Variants in MAPRE3 observed in about 807,000 individuals in gnomAD.
The protein encoded by MAPRE3 is microtubule associated protein RP/EB family member 3, also known as microtubule-associated protein RP/EB family member 3.
A neutral mutation model predicts 30.5 loss-of-function variants in MAPRE3; 2 were observed. The ratio of observed to expected loss-of-function variants is 0.07; its 90% confidence interval spans 0.03 to 0.21. MAPRE3 has a LOEUF of 0.21. MAPRE3 is among the 10% of genes least tolerant of loss of function. The pLI, the probability that MAPRE3 is intolerant of heterozygous loss-of-function variation, is 1.00. For missense variants in MAPRE3, 204 were observed against 351.8 expected (o/e 0.58, Z 3.36); for synonymous variants, 110 against 127.7 (o/e 0.86, Z 0.93).
At chr2:26,988,040 C>T (rs1666256993) in intron 1 of MAPRE3, among the ~76,000 whole-genome samples, 1 of 152,214 alleles carries the variant, frequency 6.6e-6, no homozygotes, top group Non-Finnish European at 1.5e-5. Flanking sequence ...ACAAAAAGAA[C>T]CCATTCTCCT....
intron 1 of MAPRE3, among the ~76,000 whole-genome samples, chr2:27,003,685 A>G (rs1666656227): frequency 6.6e-6 from 1 of 152,168 alleles, no homozygotes. Context: ...TTCTACCCAG[A>G]TCCCTCACTT....
chr2:27,005,908 C>T (rs1033585786), intron 1 of MAPRE3, among the ~76,000 whole-genome samples: 6 of 152,146 alleles, frequency 3.9e-5, no homozygotes, highest in Non-Finnish European at 8.8e-5. Context: ...GTCGGCCGGG[C>T]GCGGTGGCTC....
rs776996487 is a variant in MAPRE3, at chr2:27,024,325, C to T, written c.469+28C>T. The T allele has an allele frequency of 6.2e-5, 99 of 1,601,310 alleles. No homozygotes were observed. In the Middle Eastern group the frequency reaches 8.8e-4, roughly 14 times the overall value. The stretch of plus-strand genomic sequence containing the variant: ...AACGTGCCCGAGCCGGGGGAGGGAG[C>T]GTGGGGGGCCGGGCCGGCAGGCCTC... On this transcript the variant is annotated intron_variant, in intron 4 of 6. Coordinates refer to ENST00000233121, the MANE Select transcript of MAPRE3 (RefSeq NM_012326.4).
At chr2:26,998,953 T>C (rs1398567516) in intron 1 of MAPRE3, among the ~76,000 whole-genome samples, 1 of 152,220 alleles carries the variant, frequency 6.6e-6, no homozygotes, top group Non-Finnish European at 1.5e-5. Flanking sequence ...TCACAGCACT[T>C]TGGAATCCTG....
intron 1 of MAPRE3, among the ~76,000 whole-genome samples, chr2:26,997,097 T>C (rs1256024878): frequency 6.6e-6 from 1 of 152,132 alleles, no homozygotes; most frequent in Non-Finnish European, 1.5e-5. Flanking sequence ...GGAAGATATT[T>C]GAAAAAAAAA....
chr2:27,022,964 T>C (rs1004867788), intron 2 of MAPRE3: 1 of 182,662 alleles, frequency 5.5e-6, no homozygotes, highest in Non-Finnish European at 1.2e-5. Context: ...TGACCACACC[T>C]CTCTGGGTCC....
intron 1 of MAPRE3, among the ~76,000 whole-genome samples, chr2:26,994,234 T>A (rs12613822): frequency 0.51 from 77,530 of 152,058 alleles, 21,617 homozygotes; most frequent in East Asian, 0.76. Context: ...TTACATTTAT[T>A]TGCTTAGGCA....
chr2:27,025,927 C>T lies in MAPRE3; in HGVS notation c.672C>T (p.Asp224=). The part of the protein sequence containing the change: ...LTVDGLEKER[D]FYFSKLRDIE... Reference sequence around the variant, plus strand: ...TGGATGGGCTGGAGAAGGAACGTGACTTCTACTTCAGCAAACTTCGTGACA... The same window carrying T: ...TGGATGGGCTGGAGAAGGAACGTGATTTCTACTTCAGCAAACTTCGTGACA... The change falls in exon 6 of 7, where the codon GAC becomes GAT. Residue 224 remains aspartate, a synonymous_variant. Transcript: ENST00000233121. The T allele has an allele frequency of 6.2e-7, 1 of 1,614,208 alleles. No individual in the cohort carries two copies. The highest frequency in any genetic ancestry group is 8.5e-7 in the Non-Finnish European group (1 of 1,180,034).
chr2:27,025,657 T>C lies in MAPRE3; in HGVS notation c.544T>C (p.Cys182Arg). The C allele has an allele frequency of 6.2e-7, 1 of 1,612,194 alleles. No individual in the cohort carries two copies. Residue 182 changes from cysteine (C) to arginine (R), a missense_variant, in exon 5 of 7, where the codon TGC becomes CGC. Coordinates refer to ENST00000233121, the MANE Select transcript of MAPRE3 (RefSeq NM_012326.4). ...SGRLSNVAPP[C>R]ILRKNPPSAR... ...CCGGCTGAGCAATGTGGCCCCCCCCTGCATTCTCCGGAAGAATCCTCCATC... is the reference window on the plus strand; with the variant it reads ...CCGGCTGAGCAATGTGGCCCCCCCCCGCATTCTCCGGAAGAATCCTCCATC...
intron 2 of MAPRE3, chr2:27,022,648 G>T (rs1667134244): frequency 3.3e-6 from 1 of 301,062 alleles, no homozygotes; most frequent in Non-Finnish European, 6.2e-6. Context: ...GTAAGTATTT[G>T]CACATCTAAA....
At chr2:27,012,733 C>T in intron 1 of MAPRE3, 2 of 152,688 alleles carry the variant, frequency 1.3e-5, no homozygotes, top group East Asian at 1.9e-4. Flanking sequence ...GTTCAACAAA[C>T]ACTGAAACTT....
chr2:26,979,835 G>A lies in MAPRE3; in HGVS notation c.-8+9033G>A, dbSNP rs958204550. Among the ~76,000 whole-genome samples, 10 of 152,186 alleles carry A rather than the reference G, an allele frequency of 6.6e-5. 1 individual carries two copies. Among genetic ancestry groups the A allele is most frequent in the African/African-American group, 1.9e-4 (8 of 41,440 alleles). On this transcript the variant is annotated intron_variant, in intron 1 of 6. Transcript: ENST00000233121. ...TTAACCAGAAATTAGGAAGTTTGAA[G>A]AGACAGTTTGGAAAGGAGTTGCTTT...
chr2:27,017,158 C>G (rs1386807983), intron 1 of MAPRE3, among the ~76,000 whole-genome samples: 1 of 152,222 alleles, frequency 6.6e-6, no homozygotes, highest in Non-Finnish European at 1.5e-5. Flanking sequence ...GAGGCTGTTA[C>G]TTCATGCTGC....
intron 6 of MAPRE3, 25 bp from the exon 7 acceptor site, chr2:27,026,255 C>A (rs1335949016): frequency 1.9e-6 from 3 of 1,603,020 alleles, no homozygotes; most frequent in Middle Eastern, 1.7e-4. Context: ...TGGCCCACCA[C>A]TTTCCTCTCT....
At chr2:27,023,693 C>T (rs979738104) in intron 3 of MAPRE3, 21 of 581,600 alleles carry the variant, frequency 3.6e-5, no homozygotes, top group Non-Finnish European at 5.6e-5. Flanking sequence ...CCTTTCCCTT[C>T]CTCCTCTCTG....
chr2:27,001,114 C>G (rs921598577), intron 1 of MAPRE3, among the ~76,000 whole-genome samples: 3 of 152,160 alleles, frequency 2.0e-5, no homozygotes, highest in Non-Finnish European at 4.4e-5. Context: ...TATTTTTGTT[C>G]TGTAATACAA....
At position 27,025,663 on chromosome 2, in the gene MAPRE3, C is replaced by A; in HGVS notation, c.550C>A (p.Leu184Ile). The A allele has an allele frequency of 6.2e-7, 1 of 1,613,080 alleles. No individual in the cohort carries two copies. Residue 184 changes from leucine to isoleucine, a missense_variant, in exon 5 of 7, where the codon CTC (leucine) becomes ATC (isoleucine). Physicochemically the swap from Leu to Ile is conservative, Grantham distance 5. Coordinates refer to ENST00000233121, the MANE Select transcript of MAPRE3 (RefSeq NM_012326.4). ...RLSNVAPPCILRKNPPSARNG... is the reference protein window; with the variant it reads ...RLSNVAPPCIIRKNPPSARNG... Reference sequence around the variant, plus strand: ...GAGCAATGTGGCCCCCCCCTGCATTCTCCGGAAGAATCCTCCATCAGCCCG... The same window carrying A: ...GAGCAATGTGGCCCCCCCCTGCATTATCCGGAAGAATCCTCCATCAGCCCG...
intron 1 of MAPRE3, among the ~76,000 whole-genome samples, chr2:27,009,204 G>GC (rs1202031817): frequency 1.3e-5 from 2 of 152,168 alleles, no homozygotes; most frequent in Non-Finnish European, 2.9e-5. Context: ...TGTAAAAACT[G>GC]ATGAAATCCA....
intron 1 of MAPRE3, among the ~76,000 whole-genome samples, chr2:27,007,129 C>T (rs942220182): frequency 6.6e-6 from 1 of 152,178 alleles, no homozygotes; most frequent in Non-Finnish European, 1.5e-5. Flanking sequence ...TTTGGGGTGA[C>T]ATATTCTGGT....
Sources: gnomAD v4.1 joint callset for allele counts (sites outside exome capture counted in the v4.1 genomes callset) on GRCh38, gnomAD v4.1.1 for gene constraint, MANE v1.5 for transcripts, NCBI Gene and HGNC (gene_info 2026-07-23, HGNC 2026-07-21) for gene names.